ALMS1: variants seen among roughly 807,000 people sequenced by gnomAD.
The protein encoded by ALMS1 is centrosome-associated protein ALMS1.
ALMS1 carries 271 observed loss-of-function variants against 352.2 expected under a neutral mutation model. The observed-to-expected ratio is 0.77, with a 90% CI of 0.70 to 0.85. ALMS1 has a LOEUF of 0.85. Ranked by LOEUF, ALMS1 falls within the 40% of genes least tolerant of loss-of-function variation. ALMS1 has a pLI of 0.00. For missense variants in ALMS1, 5,445 were observed against 4,870.7 expected, an observed-to-expected ratio of 1.12 and a Z score of -3.51; for synonymous variants, 1,865 against 1,761.2, an observed-to-expected ratio of 1.06 and a Z score of -1.48.
intron 9 of ALMS1, among the ~76,000 whole-genome samples, chr2:73,465,842 C>G (rs1349042965): frequency 6.6e-6 from 1 of 152,196 alleles, no homozygotes; most frequent in Non-Finnish European, 1.5e-5. Flanking sequence ...ACAGACACTT[C>G]TCAAAAGAAG....
In ALMS1 at chr2:73,601,197, GTT is replaced by G. The variant is rs758732551; in HGVS notation, c.11877_11878del (p.Ser3960LeufsTer11). The G allele has an allele frequency of 3.7e-6, 6 of 1,614,176 alleles. No homozygotes were observed. Among genetic ancestry groups the G allele is most frequent in the Non-Finnish European group, 5.1e-6 (6 of 1,180,036 alleles). On this transcript the variant is annotated frameshift_variant, in exon 19 of 23. Transcript: ENST00000613296. LOFTEE classifies it high-confidence loss of function. The stretch of plus-strand genomic sequence containing the variant: ...CTTCTAAAAACTGTTTCCTGTAGGA[GTT>G]TCCTGGTTTGTTCCTGTGGAAAATG... ...KKNKKNSHEG[V>X]SWFVPVENVE...
intron 1 of ALMS1, among the ~76,000 whole-genome samples, chr2:73,394,630 G>A (rs146244832): frequency 0.016 from 2,447 of 152,284 alleles, 64 homozygotes; most frequent in African/African-American, 0.056. Context: ...GATTGCAGGC[G>A]TGAGCCACCG....
In ALMS1 at chr2:73,451,201, C is replaced by G. The variant is rs773903619; in HGVS notation, c.4674C>G (p.Asp1558Glu). The change falls in exon 8 of 23, where the codon GAC (aspartate) becomes GAG (glutamate). Residue 1558 changes from aspartate (D) to glutamate (E), a missense_variant. By Grantham distance (45) the Asp-to-Glu change is conservative. Coordinates refer to ENST00000613296, the MANE Select transcript of ALMS1 (RefSeq NM_001378454.1). ...TTTCTTCTGCTCCTGGACCAGCTGACCAGACAACTGGCATACCAACCATAA... is the reference window on the plus strand; with the variant it reads ...TTTCTTCTGCTCCTGGACCAGCTGAGCAGACAACTGGCATACCAACCATAA... Reference protein sequence around the residue: ...LRVSSAPGPADQTTGIPTITS... With the variant: ...LRVSSAPGPAEQTTGIPTITS... 3 of 1,613,966 alleles carry G rather than the reference C, an allele frequency of 1.9e-6. No individual in the cohort carries two copies.
At chr2:73,441,610 A>ACTATTCCTATTCCTATTCCTATTC (rs111395015) in intron 7 of ALMS1, among the ~76,000 whole-genome samples, 2,410 of 150,976 alleles carry the variant, frequency 0.016, 85 homozygotes, top group African/African-American at 0.056. Flanking sequence ...TCTCCTTCCC[A>ACTATTCCTATTCCTATTCCTATTC]CTATTCCTAT....
rs1273315356 is a variant in ALMS1, at chr2:73,491,430, A to T, written c.9471A>T (p.Gln3157His). 1 of 1,614,182 alleles carries T rather than the reference A, an allele frequency of 6.2e-7. No individual in the cohort carries two copies. The highest frequency in any genetic ancestry group is 8.5e-7 in the Non-Finnish European group (1 of 1,180,024). ...SQNSQIVTSRQIQVNISDFEG... is the reference protein window; with the variant it reads ...SQNSQIVTSRHIQVNISDFEG... ...ATAGCCAGATAGTAACCTCCAGGCA[A>T]ATACAAGTGAACATTTCAGATTTCG... The change falls in exon 10 of 23, where the codon CAA (glutamine) becomes CAT (histidine). Residue 3157 changes from glutamine (Q) to histidine (H), a missense_variant. Transcript: ENST00000613296.
chr2:73,485,423 T>C (rs1672813492), intron 9 of ALMS1, among the ~76,000 whole-genome samples: 1 of 152,232 alleles, frequency 6.6e-6, no homozygotes, highest in Admixed American at 6.5e-5. Context: ...GAGGAGGCAG[T>C]CTGCCCGTTC....
Position 73,450,110 on chromosome 2 carries a change from A to G in ALMS1, c.3583A>G (p.Arg1195Gly). 6.2e-7 allele frequency: 1 copy of G among 1,614,076 alleles called. No homozygotes were observed. Among genetic ancestry groups the G allele is most frequent in the South Asian group, 1.1e-5 (1 of 91,078 alleles). The change falls in exon 8 of 23, where the codon AGA (arginine) becomes GGA (glycine). Residue 1195 changes from arginine to glycine, a missense_variant. Physicochemically the swap from Arg to Gly is moderately radical, Grantham distance 125. Transcript: ENST00000613296. ...PRVLSTFYSQ[R>G]EKPGIFYQQT... ...AGTACTTTCTACCTTCTACTCACAA[A>G]GAGAGAAACCTGGTATTTTCTATCA...
Position 73,534,694 on chromosome 2 carries a change from C to G in ALMS1, c.9782-130C>G. 2.3e-6 allele frequency: 2 copies of G among 880,138 alleles called. 1 individual carries two copies. Among genetic ancestry groups the G allele is most frequent in the South Asian group, 3.2e-5 (2 of 63,350 alleles). The allele number at this position is 880,138 out of a possible 1,614,324, so 54.5% of individuals were successfully genotyped here. On this transcript the variant is annotated intron_variant, in intron 11 of 22. Coordinates refer to ENST00000613296, the MANE Select transcript of ALMS1 (RefSeq NM_001378454.1). ...CTCATTCTTCTTGAAGGCAGAGATA[C>G]ATTTCTCTTTGTTTACTCATAAATT...
At chr2:73,463,335 C>A (rs1429534457) in intron 9 of ALMS1, among the ~76,000 whole-genome samples, 1 of 152,126 alleles carries the variant, frequency 6.6e-6, no homozygotes, top group Non-Finnish European at 1.5e-5. Flanking sequence ...ACTGAATAAC[C>A]TGCTCCTGAA....
At chr2:73,591,039 G>A (rs955980849) in intron 16 of ALMS1, among the ~76,000 whole-genome samples, 6 of 151,932 alleles carry the variant, frequency 3.9e-5, no homozygotes, top group Non-Finnish European at 7.4e-5. Flanking sequence ...CAAACTCCTG[G>A]CCTCAACCAA....
intron 12 of ALMS1, among the ~76,000 whole-genome samples, chr2:73,535,481 G>A (rs1674009135): frequency 6.6e-6 from 1 of 152,088 alleles, no homozygotes; most frequent in African/African-American, 2.4e-5. Context: ...AGATGAGATT[G>A]GACCCTCTTA....
chr2:73,436,401 A>G (rs1256342845), intron 7 of ALMS1, among the ~76,000 whole-genome samples: 1 of 152,164 alleles, frequency 6.6e-6, no homozygotes. Flanking sequence ...AACTTGTCAG[A>G]TGTATAGTTA....
chr2:73,517,431 G>A (rs1167016501), intron 10 of ALMS1, among the ~76,000 whole-genome samples: 1 of 150,776 alleles, frequency 6.6e-6, no homozygotes, highest in East Asian at 2.0e-4. Flanking sequence ...TTTATGTTTT[G>A]TAGAGACGAT....
At chr2:73,515,768 T>TAC (rs71406825) in intron 10 of ALMS1, among the ~76,000 whole-genome samples, 16,950 of 141,482 alleles carry the variant, frequency 0.12, 1,012 homozygotes, top group Non-Finnish European at 0.13. Context: ...TCCACAGAAA[T>TAC]ACACACACAC....
At chr2:73,471,010 A>G (rs932456160) in intron 9 of ALMS1, 1 of 151,778 alleles carries the variant, frequency 6.6e-6, no homozygotes, top group East Asian at 1.9e-4. Flanking sequence ...TCTCTTCTAG[A>G]TAGTATATAG....
intron 1 of ALMS1, among the ~76,000 whole-genome samples, chr2:73,404,316 T>C (rs554934341): frequency 1.3e-5 from 2 of 152,322 alleles, no homozygotes; most frequent in South Asian, 4.1e-4. Context: ...TCCAGTGCTA[T>C]GTTGAGTAGA....
chr2:73,591,072 G>A (rs1675423612), intron 16 of ALMS1, among the ~76,000 whole-genome samples: 1 of 152,024 alleles, frequency 6.6e-6, no homozygotes, highest in Non-Finnish European at 1.5e-5. Context: ...AGCCTTCTGA[G>A]TAGCTGGGAC....
chr2:73,528,275 C>T (rs572973914), intron 11 of ALMS1, among the ~76,000 whole-genome samples: 22 of 152,090 alleles, frequency 1.4e-4, no homozygotes, highest in South Asian at 8.3e-4. Flanking sequence ...AATGTATCTT[C>T]GTTGATTTTT....
At chr2:73,408,059 G>A (rs1275413972) in intron 1 of ALMS1, among the ~76,000 whole-genome samples, 1 of 152,004 alleles carries the variant, frequency 6.6e-6, no homozygotes. Context: ...GGAAGCTCTG[G>A]GTTCTTATTC....
Sources: allele counts gnomAD v4.1 joint callset (sites outside exome capture counted in the v4.1 genomes callset), GRCh38; gene constraint gnomAD v4.1.1; transcripts MANE v1.5; gene names NCBI Gene and HGNC (gene_info 2026-07-23, HGNC 2026-07-21).